MALAT1: variants seen among roughly 807,000 people sequenced by gnomAD.
MALAT1 encodes metastasis associated lung adenocarcinoma transcript 1.
At chr11:65,501,789 A>G (rs1039029358) in exon 3 of MALAT1, 1 of 518,750 alleles carries the variant, frequency 1.9e-6, no homozygotes, top group African/African-American at 1.9e-5. Flanking sequence ...GAGTAGGCCA[A>G]ATGTTGAAGT....
chr11:65,506,484 T>C (rs779288766), downstream of MALAT1: 6 of 286,652 alleles, frequency 2.1e-5, no homozygotes, highest in South Asian at 1.5e-4. Context: ...TGTGGTTCTT[T>C]TGTGAATAAA....
intron 3 of MALAT1, chr11:65,504,798 T>G (rs747819008): frequency 5.8e-6 from 3 of 519,010 alleles, no homozygotes; most frequent in South Asian, 4.2e-5. Context: ...TCCCCTCCCT[T>G]GGTCTTAATT....
chr11:65,498,747 T>C, intron 2 of MALAT1: 1 of 518,948 alleles, frequency 1.9e-6, no homozygotes, highest in Non-Finnish European at 3.8e-6. Flanking sequence ...ATTTTAAAAG[T>C]TCCGGGGGTT....
chr11:65,505,559 A>G (rs756431909), intron 3 of MALAT1: 10 of 515,372 alleles, frequency 1.9e-5, no homozygotes, highest in Non-Finnish European at 1.9e-5. Context: ...TCTCTGCCAC[A>G]TCGCCACCCC....
At chr11:65,498,498 TC>T (rs1177386768) in intron 1 of MALAT1, 1 of 517,524 alleles carries the variant, frequency 1.9e-6, no homozygotes, top group Non-Finnish European at 3.9e-6. Context: ...CCCGTGCTGC[TC>T]CGATTTCTCG....
chr11:65,504,431 G>T (rs778439679), intron 3 of MALAT1: 4 of 518,686 alleles, frequency 7.7e-6, no homozygotes, highest in Non-Finnish European at 1.5e-5. Context: ...ATTGTGAAAC[G>T]ACTGGAGTAT....
exon 3 of MALAT1, chr11:65,500,526 A>G (rs1305392084): frequency 1.9e-6 from 1 of 516,644 alleles, no homozygotes; most frequent in Non-Finnish European, 3.9e-6. Flanking sequence ...GAAGATAGGA[A>G]AAGAGTCCAG....
chr11:65,506,430 ACTT>A (rs771925193), exon 4 of MALAT1: 1 of 358,358 alleles, frequency 2.8e-6, no homozygotes, highest in Non-Finnish European at 5.5e-6. Flanking sequence ...ACTGCTGAAA[ACTT>A]AACAATTTTG....
intron 1 of MALAT1, chr11:65,498,376 C>T (rs761298413): frequency 3.9e-6 from 2 of 518,286 alleles, no homozygotes; most frequent in South Asian, 2.8e-5. Context: ...CAGAGTGGGC[C>T]ACTGGCAGCC....
exon 3 of MALAT1, chr11:65,501,320 GA>G (rs767109465): frequency 5.8e-6 from 3 of 518,672 alleles, no homozygotes; most frequent in Admixed American, 1.9e-5. Flanking sequence ...AGGTGTAACA[GA>G]AAACAAGAAA....
chr11:65,501,492 C>T (rs1208243242), exon 3 of MALAT1: 4 of 517,374 alleles, frequency 7.7e-6, no homozygotes, highest in South Asian at 4.2e-5. Flanking sequence ...AGTGCTTAAC[C>T]CCTTAAACTT....
chr11:65,498,323 G>C (rs772219951), intron 1 of MALAT1: 5 of 517,862 alleles, frequency 9.7e-6, no homozygotes, highest in Non-Finnish European at 1.9e-5. Context: ...AAAAATTTCC[G>C]TGCGGGCCGT....
chr11:65,502,845 G>A (rs752099170), exon 3 of MALAT1: 11 of 501,222 alleles, frequency 2.2e-5, no homozygotes, highest in Non-Finnish European at 4.4e-5. Context: ...GCAAATGAAA[G>A]CTACCAATTT....
intron 1 of MALAT1, chr11:65,498,129 G>C (rs550955655): frequency 5.8e-6 from 3 of 518,730 alleles, no homozygotes. Flanking sequence ...CCCTAAAAAA[G>C]CAGACCCAGA....
chr11:65,497,942 C>T (rs973123662), intron 1 of MALAT1: 2 of 518,826 alleles, frequency 3.9e-6, no homozygotes, highest in East Asian at 5.4e-5. Flanking sequence ...GTGCTGCTAT[C>T]TTAGCTGTCC....
At chr11:65,497,779 C>T (rs1255134605) in exon 1 of MALAT1, 7 of 470,784 alleles carry the variant, frequency 1.5e-5, no homozygotes, top group Non-Finnish European at 3.0e-5. Context: ...ACTGGGGCCC[C>T]GCAACTGGCC....
At position 65,498,316 on chromosome 11, in the gene MALAT1, A is replaced by C. The variant is rs756633124; in HGVS notation, n.179-366A>C. On this transcript the variant is annotated intron_variant and non_coding_transcript_variant, in intron 1 of 3. Coordinates refer to ENST00000619449, the Ensembl canonical transcript of MALAT1. ...CCTGGAAGCTGAAAAACGGTAGAAAAATTTCCGTGCGGGCCGTGGGGGGCT... is the reference window on the plus strand; with the variant it reads ...CCTGGAAGCTGAAAAACGGTAGAAACATTTCCGTGCGGGCCGTGGGGGGCT... The C allele has an allele frequency of 1.9e-5, 10 of 518,040 alleles. No individual in the cohort carries two copies. The East Asian group carries it at 5.5e-4, about 28-fold the overall frequency. The allele number at this position is 518,040 out of a possible 1,614,324, so 32.1% of individuals were successfully genotyped here. A position where few individuals can be genotyped will look rare whatever the true frequency, so the allele number is the denominator to read the frequency against.
Position 65,501,213 on chromosome 11 carries a change from G to A in MALAT1, n.2476G>A, listed in dbSNP as rs751486943. Reference sequence around the variant, plus strand: ...TTGGATGTGTAACTGAGGCGGGGGGGAGTTTTCAGTATTTTTTTTTGTGGG... The same window carrying A: ...TTGGATGTGTAACTGAGGCGGGGGGAAGTTTTCAGTATTTTTTTTTGTGGG... On this transcript the variant is annotated non_coding_transcript_exon_variant, in exon 3 of 4. Transcript: ENST00000619449. 1.1e-5 allele frequency: 5 copies of A among 443,292 alleles called. No homozygotes were observed. The African/African-American group carries it at 1.3e-4, about 12-fold the overall frequency. 27.5% of individuals were successfully genotyped at this position (443,292 alleles called of 1,614,324 possible).
At chr11:65,501,345 A>G (rs766034728) in exon 3 of MALAT1, 1 of 518,852 alleles carries the variant, frequency 1.9e-6, no homozygotes, top group Admixed American at 1.9e-5. Flanking sequence ...CAATATCAGG[A>G]TAATCAGACC....
Sources: gnomAD v4.1 joint callset for allele counts on GRCh38, gnomAD v4.1.1 for gene constraint, MANE v1.5 for transcripts, NCBI Gene and HGNC (gene_info 2026-07-23, HGNC 2026-07-21) for gene names.